CTNND2: variants seen among roughly 807,000 people sequenced by gnomAD.
CTNND2 encodes catenin delta 2.
In CTNND2, 22 loss-of-function variants were observed where a neutral mutation model predicts 144.4. The ratio of observed to expected loss-of-function variants is 0.15; its 90% CI spans 0.11 to 0.22. The LOEUF is 0.22. Among genes scored for constraint, CTNND2 ranks in the 10% least tolerant of loss-of-function variants. The pLI, the probability that CTNND2 is intolerant of heterozygous loss-of-function variation, is 1.00. For synonymous variants in CTNND2, 751 were observed against 695.6 expected (o/e 1.08, Z -1.25); for missense variants, 1,353 against 1,618.8 (o/e 0.84, Z 2.82).
chr5:11,706,743 ATAAT>A (rs1343472390), intron 2 of CTNND2, among the ~76,000 whole-genome samples: 1 of 151,908 alleles, frequency 6.6e-6, no homozygotes, highest in Non-Finnish European at 1.5e-5. Flanking sequence ...TGTATGCATC[ATAAT>A]TAGTTTTTTT....
chr5:11,581,114 G>T (rs2150129405), intron 2 of CTNND2, among the ~76,000 whole-genome samples: 1 of 152,196 alleles, frequency 6.6e-6, no homozygotes, highest in African/African-American at 2.4e-5. Flanking sequence ...TTATGAAATA[G>T]CTGCTTTATA....
intron 2 of CTNND2, among the ~76,000 whole-genome samples, chr5:11,695,178 A>C (rs1479594719): frequency 1.3e-5 from 2 of 152,234 alleles, no homozygotes; most frequent in African/African-American, 4.8e-5. Context: ...GGCTGGAAGA[A>C]GAGGGATCAC....
chr5:11,681,568 C>T (rs1784423688), intron 2 of CTNND2, among the ~76,000 whole-genome samples: 1 of 152,112 alleles, frequency 6.6e-6, no homozygotes, highest in South Asian at 2.1e-4. Flanking sequence ...ATTCTTTTTC[C>T]AGTCCCAACA....
intron 2 of CTNND2, among the ~76,000 whole-genome samples, chr5:11,678,504 T>G (rs568889898): frequency 2.0e-5 from 3 of 152,224 alleles, no homozygotes; most frequent in African/African-American, 7.2e-5. Flanking sequence ...TCCATTGAAA[T>G]AAGGAGGACT....
chr5:11,382,599 G>C lies in CTNND2; in HGVS notation c.1177+2066C>G, dbSNP rs1470334277. Among the ~76,000 whole-genome samples, 2 of 81,412 alleles carry C rather than the reference G, an allele frequency of 2.5e-5. 1 individual carries two copies. The highest frequency in any genetic ancestry group is 8.3e-5 in the African/African-American group (2 of 24,200). 53.4% of individuals were successfully genotyped at this position (81,412 alleles called of 152,430 possible). A position where few individuals can be genotyped will look rare whatever the true frequency, so the allele number is the denominator to read the frequency against. On this transcript the variant is annotated intron_variant, in intron 7 of 21. Coordinates refer to ENST00000304623, the MANE Select transcript of CTNND2 (RefSeq NM_001332.4). ...GGCAACCGACAGAGTGAGACTCTGT[G>C]TGTGTGTGTGTGTGTGTGTGTGTGT...
intron 11 of CTNND2, among the ~76,000 whole-genome samples, chr5:11,173,956 C>A (rs1426473391): frequency 1.3e-5 from 2 of 152,114 alleles, no homozygotes; most frequent in Non-Finnish European, 2.9e-5. Flanking sequence ...AGTGGGCAGG[C>A]AAGGTAGGAG....
chr5:11,183,916 CCTCTTT>C (rs775954986), intron 11 of CTNND2, among the ~76,000 whole-genome samples: 2 of 152,038 alleles, frequency 1.3e-5, no homozygotes, highest in African/African-American at 2.4e-5. Context: ...TCTGTCCCTC[CCTCTTT>C]CTCTTTCTCT....
rs77370616 is a variant in CTNND2 at position 11,712,586 on chromosome 5, T to C, written c.174+19550A>G. Among the ~76,000 whole-genome samples, 97 of 152,334 alleles carry C rather than the reference T, an allele frequency of 6.4e-4. 1 individual carries two copies. In the East Asian group the frequency reaches 0.011, roughly 17 times the overall value. On this transcript the variant is annotated intron_variant, in intron 2 of 21. Coordinates refer to ENST00000304623, the MANE Select transcript of CTNND2 (RefSeq NM_001332.4). ...AATTTAAATAGAAATATTAAAGTAC[T>C]TGTAAAGTTCAAACTCTAAAGTTTC...
chr5:11,004,679 C>T lies in CTNND2; in HGVS notation c.3085-12002G>A, dbSNP rs986347431. On this transcript the variant is annotated intron_variant, in intron 18 of 21. Transcript: ENST00000304623. ...TTGGGAGGCTGAGGCAGGAGAATTG[C>T]TTGAACTGTTTCGTTTTTGCAGAGG... is the stretch of plus-strand genomic sequence containing the variant. Among the ~76,000 whole-genome samples the T allele has an allele frequency of 2.0e-5, 3 of 149,368 alleles. No individual in the cohort carries two copies. In the South Asian group the frequency reaches 6.3e-4, roughly 32 times the overall value.
chr5:11,046,977 G>A (rs1030932731), intron 16 of CTNND2, among the ~76,000 whole-genome samples: 2 of 152,200 alleles, frequency 1.3e-5, no homozygotes, highest in African/African-American at 2.4e-5. Flanking sequence ...AAGCCCATGC[G>A]TTTTCATGGG....
rs61749846 is a variant in CTNND2 at position 11,384,513 on chromosome 5, T to C, written c.1177+152A>G. ...AAACTGTAGGGAAGATACTGACTTG[T>C]TCCAGGAAAGCCCTGGCGTTCTCTG... On this transcript the variant is annotated intron_variant, in intron 7 of 21. Coordinates refer to ENST00000304623, the MANE Select transcript of CTNND2 (RefSeq NM_001332.4). The surrounding 1 kb of genome is among the most constrained non-coding windows in gnomAD (Gnocchi z 5.2). 3,677 of 662,220 alleles carry C rather than the reference T, an allele frequency of 5.6e-3. 108 individuals are homozygous for C. Among genetic ancestry groups the C allele is most frequent in the East Asian group, 0.053 (1,919 of 36,358 alleles). The allele number at this position is 662,220 out of a possible 1,614,324, so 41.0% of individuals were successfully genotyped here.
At chr5:11,050,550 T>A (rs915290504) in intron 16 of CTNND2, among the ~76,000 whole-genome samples, 9 of 152,294 alleles carry the variant, frequency 5.9e-5, no homozygotes, top group Non-Finnish European at 1.2e-4. Flanking sequence ...ACGTTATAAC[T>A]CTCACATATG....
At chr5:11,633,124 A>G (rs1253420462) in intron 2 of CTNND2, among the ~76,000 whole-genome samples, 1 of 152,246 alleles carries the variant, frequency 6.6e-6, no homozygotes, top group Admixed American at 6.5e-5. Flanking sequence ...AATGGGAAAC[A>G]TTAACCTTCA....
chr5:11,029,939 G>A (rs1343792396), intron 16 of CTNND2, among the ~76,000 whole-genome samples: 1 of 152,130 alleles, frequency 6.6e-6, no homozygotes, highest in Admixed American at 6.5e-5. Context: ...TTCTTACAGA[G>A]CAGGTCTAGT....
At chr5:11,545,241 G>A (rs1775129180) in intron 3 of CTNND2, among the ~76,000 whole-genome samples, 2 of 151,884 alleles carry the variant, frequency 1.3e-5, no homozygotes, top group Admixed American at 1.3e-4. Flanking sequence ...AGAATCGCTT[G>A]AACCTGGAAG....
chr5:11,831,042 G>T (rs1030573578), intron 1 of CTNND2, among the ~76,000 whole-genome samples: 5 of 152,094 alleles, frequency 3.3e-5, no homozygotes, highest in African/African-American at 9.7e-5. Context: ...AATTAAAGGA[G>T]AGTATGTTTG....
intron 2 of CTNND2, among the ~76,000 whole-genome samples, chr5:11,570,871 T>A (rs532238031): frequency 6.6e-6 from 1 of 152,116 alleles, no homozygotes; most frequent in African/African-American, 2.4e-5. Context: ...TTTCTTCAAC[T>A]CTCATTATTC....
Position 11,875,117 on chromosome 5 carries a change from C to T in CTNND2, c.37+28700G>A, listed in dbSNP as rs536767640. Among the ~76,000 whole-genome samples the T allele has an allele frequency of 3.3e-5, 5 of 152,294 alleles. No individual in the cohort carries two copies. In the South Asian group the frequency reaches 1.0e-3, roughly 32 times the overall value. On this transcript the variant is annotated intron_variant, in intron 1 of 21. Transcript: ENST00000304623. ...CTTAAAAATAATTTTCCTATGGAAT[C>T]ACAAAACCTCTGTCCCTTCAGAAGC...
chr5:11,345,671 T>A (rs1238381775), intron 9 of CTNND2, among the ~76,000 whole-genome samples: 1 of 151,960 alleles, frequency 6.6e-6, no homozygotes, highest in Non-Finnish European at 1.5e-5. Context: ...TCTATCAGCA[T>A]AAATCCAATG....
Sources: gnomAD v4.1 joint callset for allele counts (sites outside exome capture counted in the v4.1 genomes callset) on GRCh38, gnomAD v4.1.1 for gene constraint, Gnocchi (gnomAD v3.1) non-coding constraint, MANE v1.5 for transcripts, NCBI Gene and HGNC (gene_info 2026-07-23, HGNC 2026-07-21) for gene names.